STYXL1: variants seen among roughly 807,000 people sequenced by gnomAD.
STYXL1 encodes serine/threonine/tyrosine-interacting-like protein 1.
Under a neutral mutation model 36.4 loss-of-function variants are expected in STYXL1, and 32 were observed. The ratio of observed to expected loss-of-function variants is 0.88; its 90% CI spans 0.66 to 1.18. The LOEUF (loss-of-function observed/expected upper bound fraction) is 1.18, where lower values mean the gene tolerates loss of function less well. Among genes scored for constraint, STYXL1 ranks in the 50% most tolerant of loss-of-function variants. STYXL1 has a pLI of 0.00. For missense variants in STYXL1, 354 were observed against 394.1 expected, an observed-to-expected ratio of 0.90 and a Z score of 0.86; for synonymous variants, 133 against 144.1, an observed-to-expected ratio of 0.92 and a Z score of 0.55.
intron 3 of STYXL1, among the ~76,000 whole-genome samples, chr7:76,024,775 T>TC (rs1161174384): frequency 2.6e-5 from 4 of 151,472 alleles, no homozygotes; most frequent in Non-Finnish European, 4.4e-5. Flanking sequence ...ATGGTGAAAC[T>TC]CCATCTCTAC....
intron 3 of STYXL1, among the ~76,000 whole-genome samples, chr7:76,026,586 AT>A (rs1435452475): frequency 3.3e-5 from 5 of 152,168 alleles, no homozygotes; most frequent in African/African-American, 1.2e-4. Flanking sequence ...CCCGCCCAAA[AT>A]TTTAGATGTA....
Position 76,009,555 on chromosome 7 carries a change from C to T in STYXL1, c.454-4151G>A, listed in dbSNP as rs542342043. ...CCTCCTGAGTAACTGGGATTACAGG[C>T]ATGTGCCACCACACCCAGCTAATTT... On this transcript the variant is annotated intron_variant, in intron 5 of 8. Transcript: ENST00000359697. 9.9e-5 allele frequency among the ~76,000 whole-genome samples: 15 copies of T among 152,276 alleles called. No homozygotes were observed. The East Asian group carries it at 2.5e-3, about 25-fold the overall frequency.
intron 3 of STYXL1, among the ~76,000 whole-genome samples, chr7:76,022,402 G>T (rs1180566373): frequency 5.9e-5 from 9 of 152,018 alleles, no homozygotes; most frequent in Non-Finnish European, 8.8e-5. Context: ...GTTTGCACCT[G>T]TAATCCCAGC....
chr7:76,028,549 G>T, intron 3 of STYXL1, 93 bp downstream of exon 3: 1 of 1,189,060 alleles, frequency 8.4e-7, no homozygotes, highest in Non-Finnish European at 1.2e-6. Context: ...TCCTGCTTCT[G>T]CTGCCCGCTG....
Position 76,013,784 on chromosome 7 carries a change from C to A in STYXL1, c.411G>T (p.Thr137=), listed in dbSNP as rs782219222. ...LKGGYERFSG[T]YHFLRTQKII... ...TCTTCTGGGTCCGGAGAAAGTGGTA[C>A]GTGCCTGAGAAGCGCTCATAGCCCC... The change falls in exon 5 of 9, where the codon ACG becomes ACT. Residue 137 remains threonine (T), a synonymous_variant. Transcript: ENST00000359697. 11 of 1,613,794 alleles carry A rather than the reference C, an allele frequency of 6.8e-6. No homozygotes were observed. Among genetic ancestry groups the A allele is most frequent in the Non-Finnish European group, 9.3e-6 (11 of 1,179,946 alleles).
At chr7:76,004,286 G>T (rs1439896146) in intron 6 of STYXL1, among the ~76,000 whole-genome samples, 1 of 152,090 alleles carries the variant, frequency 6.6e-6, no homozygotes, top group Non-Finnish European at 1.5e-5. Context: ...TAGAGATGGG[G>T]TTTCACCATT....
chr7:75,999,982 C>T (rs1242968690), intron 8 of STYXL1, among the ~76,000 whole-genome samples: 16 of 151,990 alleles, frequency 1.1e-4, no homozygotes, highest in African/African-American at 3.4e-4. Context: ...TCCCCCACCA[C>T]CACCCCACAC....
chr7:76,012,805 T>TA (rs1442897908), intron 5 of STYXL1, among the ~76,000 whole-genome samples: 1 of 152,228 alleles, frequency 6.6e-6, no homozygotes, highest in Non-Finnish European at 1.5e-5. Context: ...GTGCTAGGCT[T>TA]ATAGGCGTGA....
At chr7:76,005,868 A>AGAGAGAGGAG (rs1412149632) in intron 5 of STYXL1, among the ~76,000 whole-genome samples, 5 of 23,324 alleles carry the variant, frequency 2.1e-4, no homozygotes, top group Admixed American at 4.5e-4. Context: ...GAGAGGAGGA[A>AGAGAGAGGAG]GAGAGAGGAG....
chr7:76,027,461 T>C (rs1794845793), intron 3 of STYXL1, among the ~76,000 whole-genome samples: 2 of 150,610 alleles, frequency 1.3e-5, no homozygotes, highest in Non-Finnish European at 3.0e-5. Context: ...AATAAGATCC[T>C]GTCTTTAAAA....
rs2116044611 is a variant in STYXL1, at chr7:76,021,118, C to T, written c.307+733G>A. ...TTTGAGAAGGAGTCTCGCTCTGTCG[C>T]CCAGGCTGGAGTGCAGTGGCGTGAT... On this transcript the variant is annotated intron_variant, in intron 4 of 8. Coordinates refer to ENST00000359697, the MANE Select transcript of STYXL1 (RefSeq NM_001317785.2). 2.7e-5 allele frequency among the ~76,000 whole-genome samples: 4 copies of T among 150,260 alleles called. No individual in the cohort carries two copies. In the South Asian group the frequency reaches 8.3e-4, roughly 31 times the overall value.
intron 1 of STYXL1, among the ~76,000 whole-genome samples, chr7:76,038,571 G>A (rs1240656571): frequency 5.9e-5 from 9 of 151,720 alleles, no homozygotes; most frequent in African/African-American, 9.7e-5. Flanking sequence ...GACTACAGGC[G>A]TCTGCCACCA....
In STYXL1 at chr7:76,005,901, AGAGGAGGAG is replaced by A. The variant is rs1218252484; in HGVS notation, c.454-506_454-498del. Among the ~76,000 whole-genome samples the A allele has an allele frequency of 1.5e-4, 6 of 39,482 alleles. No individual in the cohort carries two copies. The East Asian group carries it at 2.8e-3, about 18-fold the overall frequency. The allele number at this position is 39,482 out of a possible 152,430, so 25.9% of individuals were successfully genotyped here. A position where few individuals can be genotyped will look rare whatever the true frequency, so the allele number is the denominator to read the frequency against. ...GAGGAGAGAGGAGGAGGAGGAGGAG[AGAGGAGGAG>A]GAGGAGGAGGAGGGAGGAGGTGGAG... On this transcript the variant is annotated intron_variant, in intron 5 of 8. Transcript: ENST00000359697.
At chr7:76,034,269 AT>A (rs71082377) in intron 1 of STYXL1, among the ~76,000 whole-genome samples, 1 of 151,414 alleles carries the variant, frequency 6.6e-6, no homozygotes, top group Non-Finnish European at 1.5e-5. Context: ...TGGCCGGCTA[AT>A]TTTTTTTTAA....
chr7:76,018,056 CAG>C (rs1793614934), intron 4 of STYXL1, among the ~76,000 whole-genome samples: 1 of 151,434 alleles, frequency 6.6e-6, no homozygotes, highest in Non-Finnish European at 1.5e-5. Context: ...TTATTTGAGA[CAG>C]AGTCTCACTA....
At chr7:76,037,189 C>T (rs976880634) in intron 1 of STYXL1, among the ~76,000 whole-genome samples, 2 of 150,090 alleles carry the variant, frequency 1.3e-5, no homozygotes, top group Non-Finnish European at 3.0e-5. Flanking sequence ...GTGATCTGTC[C>T]GCCTCGGCCT....
intron 1 of STYXL1, among the ~76,000 whole-genome samples, chr7:76,042,906 C>A (rs1310946002): frequency 6.6e-6 from 1 of 152,108 alleles, no homozygotes; most frequent in African/African-American, 2.4e-5. Context: ...TTGGCCTGTG[C>A]CCTCTGAAGC....
chr7:75,999,330 G>T (rs1160949233), intron 8 of STYXL1, among the ~76,000 whole-genome samples: 1 of 152,168 alleles, frequency 6.6e-6, no homozygotes, highest in Admixed American at 6.5e-5. Flanking sequence ...ACAAAAAGTA[G>T]AATGGTGGTT....
chr7:76,021,909 G>A lies in STYXL1; in HGVS notation c.249C>T (p.Thr83=), dbSNP rs782010622. ...CATCATCTTTTAAGAGTATCTCCAG[G>A]GTGCTGCTGTTGTTATCATACACCA... The part of the protein sequence containing the change: ...YCVVYDNNSS[T]LEILLKDDDD... The change falls in exon 4 of 9, where the codon ACC becomes ACT. Residue 83 remains threonine, a synonymous_variant. Coordinates refer to ENST00000359697, the MANE Select transcript of STYXL1 (RefSeq NM_001317785.2). 1.2e-6 allele frequency: 2 copies of A among 1,613,416 alleles called. No homozygotes were observed. Among genetic ancestry groups the A allele is most frequent in the Admixed American group, 1.7e-5 (1 of 59,966 alleles).
Sources: allele counts gnomAD v4.1 joint callset (sites outside exome capture counted in the v4.1 genomes callset), GRCh38; gene constraint gnomAD v4.1.1; transcripts MANE v1.5; gene names NCBI Gene and HGNC (gene_info 2026-07-23, HGNC 2026-07-21).